The following HSD17B6 variants were observed in gnomAD, a reference collection of about 807,000 sequenced individuals.
The protein encoded by HSD17B6 is hydroxysteroid 17-beta dehydrogenase 6.
HSD17B6 carries 16 observed loss-of-function variants against 26.4 expected under a neutral mutation model. That is an observed-to-expected ratio of 0.61 (90% CI 0.41 to 0.92). The LOEUF (loss-of-function observed/expected upper bound fraction) is 0.92, where lower values mean the gene tolerates loss of function less well. HSD17B6 is among the 40% of genes least tolerant of loss of function. The pLI, the probability that HSD17B6 is intolerant of heterozygous loss-of-function variation, is 0.00. For missense variants in HSD17B6, 357 were observed against 386.1 expected (o/e 0.92, Z 0.63); for synonymous variants, 139 against 153.0 (o/e 0.91, Z 0.68).
intron 1 of HSD17B6, among the ~76,000 whole-genome samples, chr12:56,764,054 G>T (rs1954264831): frequency 9.4e-6 from 1 of 106,148 alleles, no homozygotes; most frequent in Non-Finnish European, 1.7e-5. Flanking sequence ...ACATGACAGA[G>T]TGAGACCGTG....
chr12:56,765,608 AC>A lies in HSD17B6; in HGVS notation c.-20+2199del, dbSNP rs1241937083. ...GACCTCCCAGGCTAAAGTGATTCCCACCCCCTCCCCCCACCGTGTCAGCCTC... is the reference window on the plus strand; with the variant it reads ...GACCTCCCAGGCTAAAGTGATTCCCACCCCTCCCCCCACCGTGTCAGCCTC... On this transcript the variant is annotated intron_variant, in intron 1 of 4. Coordinates refer to ENST00000322165, the MANE Select transcript of HSD17B6 (RefSeq NM_003725.4). Among the ~76,000 whole-genome samples, 8 of 139,042 alleles carry A rather than the reference AC, an allele frequency of 5.8e-5. No individual in the cohort carries two copies. In the South Asian group the frequency reaches 1.7e-3, roughly 30 times the overall value. The allele number at this position is 139,042 out of a possible 152,430, so 91.2% of individuals were successfully genotyped here.
intron 1 of HSD17B6, among the ~76,000 whole-genome samples, chr12:56,772,887 T>C (rs184021550): frequency 6.7e-4 from 102 of 152,186 alleles, no homozygotes; most frequent in African/African-American, 2.4e-3. Context: ...GCTGGGGACA[T>C]TCATGTCAAA....
At chr12:56,769,304 G>T (rs1350535696) in intron 1 of HSD17B6, among the ~76,000 whole-genome samples, 1 of 152,120 alleles carries the variant, frequency 6.6e-6, no homozygotes, top group Non-Finnish European at 1.5e-5. Flanking sequence ...GCTTAGTCAT[G>T]TTGCCCAGGC....
In HSD17B6 at chr12:56,785,120, G is replaced by A; in HGVS notation, c.736+104G>A. ...GACTGGGTAATTTATAAAGAAAAGA[G>A]GTTTAATTGACTCACAGTTCTGCAT... On this transcript the variant is annotated intron_variant, in intron 4 of 4. Transcript: ENST00000322165. 3 of 1,234,626 alleles carry A rather than the reference G, an allele frequency of 2.4e-6. No individual in the cohort carries two copies. The South Asian group carries it at 4.7e-5, about 19-fold the overall frequency. 76.5% of individuals were successfully genotyped at this position (1,234,626 alleles called of 1,614,324 possible).
In HSD17B6 at chr12:56,782,188, C is replaced by T. The variant is rs751751752; in HGVS notation, c.528C>T (p.Tyr176=). 2 of 1,614,160 alleles carry T rather than the reference C, an allele frequency of 1.2e-6. No homozygotes were observed. Among genetic ancestry groups the T allele is most frequent in the South Asian group, 2.2e-5 (2 of 91,080 alleles). ...LGRVAFFVGG[Y]CVSKYGVEAF... Reference sequence around the variant, plus strand: ...GAGTTGCTTTCTTTGTAGGAGGCTACTGTGTCTCCAAGTATGGAGTGGAAG... The same window carrying T: ...GAGTTGCTTTCTTTGTAGGAGGCTATTGTGTCTCCAAGTATGGAGTGGAAG... Residue 176 remains tyrosine (Y), a synonymous_variant, in exon 3 of 5, where the codon TAC becomes TAT. Transcript: ENST00000322165.
rs568541342 is a variant in HSD17B6 at position 56,784,034 on chromosome 12, A to G, written c.573-819A>G. On this transcript the variant is annotated intron_variant, in intron 3 of 4. Coordinates refer to ENST00000322165, the MANE Select transcript of HSD17B6 (RefSeq NM_003725.4). ...TGGGCCGAGGCGCTCCTCACATCCC[A>G]GACGGGGTGGCGGGGCAGAGGCGCT... Among the ~76,000 whole-genome samples, 1,192 of 151,196 alleles carry G rather than the reference A, an allele frequency of 7.9e-3. 10 individuals are homozygous for G. The highest frequency in any genetic ancestry group is 0.013 in the Non-Finnish European group (858 of 67,776).
rs1404955347 is a variant in HSD17B6, at chr12:56,784,974, A to G, written c.694A>G (p.Lys232Glu). 3 of 1,614,124 alleles carry G rather than the reference A, an allele frequency of 1.9e-6. No individual in the cohort carries two copies. Among genetic ancestry groups the G allele is most frequent in the Non-Finnish European group, 2.5e-6 (3 of 1,180,002 alleles). The change falls in exon 4 of 5, where the codon AAG becomes GAG. Residue 232 changes from lysine to glutamate, a missense_variant. Coordinates refer to ENST00000322165, the MANE Select transcript of HSD17B6 (RefSeq NM_003725.4). ...RMKQSWKEAP[K>E]HIKETYGQQY... ...GAAGCAAAGTTGGAAAGAAGCCCCC[A>G]AGCATATTAAGGAGACCTATGGACA...
At chr12:56,782,391 C>T (rs10876920) in intron 3 of HSD17B6, among the ~76,000 whole-genome samples, 159 bp downstream of exon 3, 74,973 of 152,100 alleles carry the variant, frequency 0.49, 19,095 homozygotes, top group African/African-American at 0.61. Context: ...CAAATTTTCT[C>T]ATCTGTCCCA....
chr12:56,779,718 A>C lies in HSD17B6; in HGVS notation c.314-2256A>C, dbSNP rs528130732. ...ACATTTCAGTCATCCTTCCTGACAT[A>C]CATGCTCTTGCTGCTGTGTATTTCA... On this transcript the variant is annotated intron_variant, in intron 2 of 4. Transcript: ENST00000322165. Among the ~76,000 whole-genome samples, 5 of 152,062 alleles carry C rather than the reference A, an allele frequency of 3.3e-5. No homozygotes were observed. The South Asian group carries it at 1.0e-3, about 32-fold the overall frequency.
At chr12:56,773,203 A>G (rs954154769) in intron 1 of HSD17B6, among the ~76,000 whole-genome samples, 1 of 152,064 alleles carries the variant, frequency 6.6e-6, no homozygotes, top group African/African-American at 2.4e-5. Context: ...CCTTCACCAC[A>G]CCTGTTTCAT....
intron 1 of HSD17B6, among the ~76,000 whole-genome samples, chr12:56,769,206 G>A (rs1954416000): frequency 6.6e-6 from 1 of 151,220 alleles, no homozygotes; most frequent in African/African-American, 2.4e-5. Flanking sequence ...AGGTTTAAGC[G>A]ATTCTTGTGC....
chr12:56,787,264 C>T lies in HSD17B6; in HGVS notation c.876C>T (p.Ile292=). The T allele has an allele frequency of 4.3e-6, 7 of 1,614,134 alleles. No homozygotes were observed. Among genetic ancestry groups the T allele is most frequent in the Non-Finnish European group, 5.9e-6 (7 of 1,179,986 alleles). The change falls in exon 5 of 5, where the codon ATC becomes ATT. Residue 292 remains isoleucine (I), a synonymous_variant. Coordinates refer to ENST00000322165, the MANE Select transcript of HSD17B6 (RefSeq NM_003725.4). The part of the protein sequence containing the change: ...SAGWDAKFFF[I]PLSYLPTSLA... ...GCTGGGATGCTAAATTTTTCTTCAT[C>T]CCTCTATCTTATTTACCTACATCAC...
intron 1 of HSD17B6, among the ~76,000 whole-genome samples, chr12:56,772,331 G>A (rs1954491811): frequency 1.3e-5 from 2 of 152,154 alleles, no homozygotes; most frequent in Admixed American, 1.3e-4. Flanking sequence ...GCCTAACACT[G>A]TGTCTGACTC....
At chr12:56,786,812 A>G (rs1327516743) in intron 4 of HSD17B6, among the ~76,000 whole-genome samples, 1 of 152,176 alleles carries the variant, frequency 6.6e-6, no homozygotes. Flanking sequence ...TTGTACCACT[A>G]CACTCCAACC....
Position 56,782,207 on chromosome 12 carries a change from G to A in HSD17B6, c.547G>A (p.Val183Met). The change falls in exon 3 of 5, where the codon GTG (valine) becomes ATG (methionine). Residue 183 changes from valine (V) to methionine (M), a missense_variant. Physicochemically the swap from Val to Met is conservative, Grantham distance 21 (BLOSUM62 1). Coordinates refer to ENST00000322165, the MANE Select transcript of HSD17B6 (RefSeq NM_003725.4). ...AGGCTACTGTGTCTCCAAGTATGGA[G>A]TGGAAGCCTTTTCAGATATTCTGAG... ...VGGYCVSKYG[V>M]EAFSDILRRE... 2 of 1,613,962 alleles carry A rather than the reference G, an allele frequency of 1.2e-6. No individual in the cohort carries two copies. The highest frequency in any genetic ancestry group is 8.5e-7 in the Non-Finnish European group (1 of 1,179,962).
At chr12:56,770,855 C>T (rs912283688) in intron 1 of HSD17B6, among the ~76,000 whole-genome samples, 1 of 152,160 alleles carries the variant, frequency 6.6e-6, no homozygotes, top group African/African-American at 2.4e-5. Context: ...TTTGTCCCCT[C>T]TGTCTAGTAC....
intron 3 of HSD17B6, among the ~76,000 whole-genome samples, chr12:56,783,576 C>T (rs1256341417): frequency 1.2e-4 from 16 of 134,862 alleles, no homozygotes; most frequent in Admixed American, 3.6e-4. Context: ...GACAGGACGG[C>T]TGGCCGGGCG....
chr12:56,767,919 C>CA (rs1233150689), intron 1 of HSD17B6, among the ~76,000 whole-genome samples: 14 of 149,654 alleles, frequency 9.4e-5, no homozygotes, highest in Non-Finnish European at 1.8e-4. Flanking sequence ...CACACGTATA[C>CA]AATATACACA....
At chr12:56,767,532 A>G (rs369568001) in intron 1 of HSD17B6, among the ~76,000 whole-genome samples, 2 of 148,036 alleles carry the variant, frequency 1.4e-5, no homozygotes, top group South Asian at 2.1e-4. Flanking sequence ...AAACAAAACG[A>G]AAACAAAAAA....
Sources: gnomAD v4.1 joint callset for allele counts (sites outside exome capture counted in the v4.1 genomes callset) on GRCh38, gnomAD v4.1.1 for gene constraint, MANE v1.5 for transcripts, NCBI Gene and HGNC (gene_info 2026-07-23, HGNC 2026-07-21) for gene names.